The following NDRG1 variants were observed in gnomAD, a reference collection of about 807,000 sequenced individuals.
NDRG1 encodes N-myc downstream regulated 1.
In NDRG1, 32 loss-of-function variants were observed where a neutral mutation model predicts 56.9. That is an observed-to-expected ratio of 0.56 (90% confidence interval 0.42 to 0.76). The LOEUF is 0.76. Ranked by LOEUF, NDRG1 falls within the 30% of genes least tolerant of loss-of-function variation. NDRG1 has a pLI of 0.00. For synonymous variants in NDRG1, 211 were observed against 204.1 expected (o/e 1.03, Z -0.29); for missense variants, 507 against 545.7 (o/e 0.93, Z 0.71).
At chr8:133,261,323 G>T (rs4320532) in intron 5 of NDRG1, among the ~76,000 whole-genome samples, 18,792 of 151,920 alleles carry the variant, frequency 0.12, 1,448 homozygotes, top group East Asian at 0.31. Context: ...CCGGAGACAG[G>T]GTTTCACCAT....
At chr8:133,248,615 C>T in intron 11 of NDRG1, 100 bp downstream of exon 11, 1 of 1,368,386 alleles carries the variant, frequency 7.3e-7, no homozygotes, top group African/African-American at 1.4e-5. Context: ...CTCACTGACA[C>T]AATGTCCTGC....
chr8:133,259,291 G>C, intron 5 of NDRG1, 61 bp from the exon 6 acceptor site: 1 of 1,536,534 alleles, frequency 6.5e-7, no homozygotes, highest in South Asian at 1.1e-5. Context: ...AATCCAAACA[G>C]GGACACGCTT....
At chr8:133,253,609 G>A (rs914916341) in intron 9 of NDRG1, among the ~76,000 whole-genome samples, 4 of 152,218 alleles carry the variant, frequency 2.6e-5, no homozygotes, top group African/African-American at 9.7e-5. Flanking sequence ...CCAGAACTGG[G>A]AACAACTCAA....
chr8:133,239,353 A>T, intron 15 of NDRG1: 1 of 672,862 alleles, frequency 1.5e-6, no homozygotes, highest in Non-Finnish European at 2.5e-6. Flanking sequence ...ACTTGAACCC[A>T]GATCTGGGTC....
Position 133,239,113 on chromosome 8 carries a change from G to A in NDRG1, c.950C>T (p.Ser317Leu), listed in dbSNP as rs904186690. The A allele has an allele frequency of 5.8e-6, 9 of 1,556,064 alleles. No individual in the cohort carries two copies. The highest frequency in any genetic ancestry group is 3.9e-5 in the Admixed American group (2 of 51,160). Residue 317 changes from serine to leucine, a missense_variant, in exon 16 of 16, where the codon TCG (serine) becomes TTG (leucine). Physicochemically the swap from Ser to Leu is moderately radical, Grantham distance 145. Coordinates refer to ENST00000323851, the MANE Select transcript of NDRG1 (RefSeq NM_006096.4). ...CCGCATCAGGCGGGTCATGCTAGCC[G>A]AGGGCACTAGGGGAACAAGAGACAG... ...YFVQGMGYMP[S>L]ASMTRLMRSR...
chr8:133,241,706 A>AT (rs1485527882), intron 15 of NDRG1, among the ~76,000 whole-genome samples: 4 of 152,212 alleles, frequency 2.6e-5, no homozygotes, highest in African/African-American at 9.6e-5. Flanking sequence ...TGTGATCAAA[A>AT]TTTTTAAAAA....
In NDRG1 at chr8:133,246,658, C is replaced by G; in HGVS notation, c.813G>C (p.Glu271Asp). The G allele has an allele frequency of 6.2e-7, 1 of 1,614,190 alleles. No individual in the cohort carries two copies. Among genetic ancestry groups the G allele is most frequent in the South Asian group, 1.1e-5 (1 of 91,086 alleles). The part of the protein sequence containing the change: ...DSSPAVDAVV[E>D]CNSKLDPTKT... The stretch of plus-strand genomic sequence containing the variant: ...TTGTTGGGTCCAATTTTGAGTTGCA[C>G]TCCACCTGCACAAGAGGGAGGAAAT... Residue 271 changes from glutamate (E) to aspartate (D), a missense_variant, in exon 13 of 16, where the codon GAG becomes GAC. Coordinates refer to ENST00000323851, the MANE Select transcript of NDRG1 (RefSeq NM_006096.4).
In NDRG1 at chr8:133,273,951, G is replaced by A. The variant is rs145606381; in HGVS notation, c.99+6281C>T. The stretch of plus-strand genomic sequence containing the variant: ...ACACAATTGCCTAAAACCTGATGCT[G>A]GAGGCCTCTCAGCCGAGCCAGATCA... On this transcript the variant is annotated intron_variant, in intron 3 of 15. Transcript: ENST00000323851. Among the ~76,000 whole-genome samples the A allele has an allele frequency of 9.2e-3, 1,397 of 152,108 alleles. 11 individuals are homozygous for A. Among genetic ancestry groups the A allele is most frequent in the Non-Finnish European group, 0.014 (938 of 68,010 alleles).
chr8:133,250,246 G>A (rs1030069518), intron 10 of NDRG1, among the ~76,000 whole-genome samples, 194 bp downstream of exon 10: 1 of 152,156 alleles, frequency 6.6e-6, no homozygotes, highest in Non-Finnish European at 1.5e-5. Context: ...CCTGCAAGGC[G>A]AGCTGAATGC....
At chr8:133,266,658 A>C (rs1198531837) in intron 3 of NDRG1, among the ~76,000 whole-genome samples, 1 of 152,092 alleles carries the variant, frequency 6.6e-6, no homozygotes, top group Non-Finnish European at 1.5e-5. Flanking sequence ...ATCGGATTCC[A>C]CCTCTGCTAC....
At chr8:133,255,371 A>G (rs1052286471) in intron 8 of NDRG1, 1 of 456,224 alleles carries the variant, frequency 2.2e-6, no homozygotes, top group Non-Finnish European at 4.4e-6. Flanking sequence ...ACATCACAGT[A>G]TCTAATACCA....
intron 2 of NDRG1, among the ~76,000 whole-genome samples, chr8:133,282,389 G>A (rs1261489247): frequency 6.6e-6 from 1 of 152,218 alleles, no homozygotes; most frequent in Non-Finnish European, 1.5e-5. Flanking sequence ...AATACATGTA[G>A]TGGAATACTA....
In NDRG1 at chr8:133,238,612, G is replaced by T; in HGVS notation, c.*266C>A. The T allele has an allele frequency of 1.8e-6, 1 of 553,454 alleles. No homozygotes were observed. The highest frequency in any genetic ancestry group is 2.5e-5 in the South Asian group (1 of 40,490). The allele number at this position is 553,454 out of a possible 1,614,324, so 34.3% of individuals were successfully genotyped here. A position where few individuals can be genotyped will look rare whatever the true frequency, so the allele number is the denominator to read the frequency against. Reference sequence around the variant, plus strand: ...GTTTGGTGTCTCTGAGGGAGGGGAGGAGAGTGGCAACCGGCCACTGGTTAA... The same window carrying T: ...GTTTGGTGTCTCTGAGGGAGGGGAGTAGAGTGGCAACCGGCCACTGGTTAA... On this transcript the variant is annotated 3_prime_UTR_variant, in exon 16 of 16. Coordinates refer to ENST00000323851, the MANE Select transcript of NDRG1 (RefSeq NM_006096.4).
rs376214053 is a variant in NDRG1, at chr8:133,250,348, T to C, written c.698+92A>G. On this transcript the variant is annotated intron_variant, in intron 10 of 15. Transcript: ENST00000323851. ...ACTCAGAGCCTGCCTCTTCCGCTCA[T>C]TTTATACTCTCCCTCTCATCTGTCC... 32 of 1,191,654 alleles carry C rather than the reference T, an allele frequency of 2.7e-5. 1 individual carries two copies. The highest frequency in any genetic ancestry group is 1.6e-4 in the East Asian group (7 of 42,698). 73.8% of individuals were successfully genotyped at this position (1,191,654 alleles called of 1,614,324 possible). A position where few individuals can be genotyped will look rare whatever the true frequency, so the allele number is the denominator to read the frequency against.
At chr8:133,290,285 G>A (rs1586501479) in intron 1 of NDRG1, among the ~76,000 whole-genome samples, 1 of 152,186 alleles carries the variant, frequency 6.6e-6, no homozygotes, top group African/African-American at 2.4e-5. Flanking sequence ...ACCAGGAAGA[G>A]CAGCCACAGG....
At chr8:133,284,056 G>A (rs1026998624) in intron 2 of NDRG1, among the ~76,000 whole-genome samples, 193 bp downstream of exon 2, 1 of 152,240 alleles carries the variant, frequency 6.6e-6, no homozygotes, top group Non-Finnish European at 1.5e-5. Flanking sequence ...AATGTGTTAT[G>A]TGTGTACGCA....
chr8:133,294,756 A>T (rs1312684671), intron 1 of NDRG1, among the ~76,000 whole-genome samples: 1 of 152,146 alleles, frequency 6.6e-6, no homozygotes, highest in Non-Finnish European at 1.5e-5. Context: ...GGCTTTGCTA[A>T]TCTCTCAAGA....
intron 3 of NDRG1, among the ~76,000 whole-genome samples, chr8:133,275,238 T>C (rs1367523909): frequency 1.3e-5 from 2 of 152,198 alleles, no homozygotes; most frequent in African/African-American, 2.4e-5. Flanking sequence ...ATCAATCTCT[T>C]GAGTCCCTAA....
rs1856267945 is a variant in NDRG1, at chr8:133,254,605, A to G, written c.538-10T>C. ...GGGTCCATCCTGAGATCTGGAAAGG[A>G]GTAAAGTGGGTGGATGAGAAACCAG... On this transcript the variant is annotated splice_polypyrimidine_tract_variant and intron_variant, in intron 8 of 15. Coordinates refer to ENST00000323851, the MANE Select transcript of NDRG1 (RefSeq NM_006096.4). 2 of 1,613,782 alleles carry G rather than the reference A, an allele frequency of 1.2e-6. No individual in the cohort carries two copies. The highest frequency in any genetic ancestry group is 1.7e-5 in the Admixed American group (1 of 59,966).
Sources: gnomAD v4.1 joint callset for allele counts (sites outside exome capture counted in the v4.1 genomes callset) on GRCh38, gnomAD v4.1.1 for gene constraint, MANE v1.5 for transcripts, NCBI Gene and HGNC (gene_info 2026-07-23, HGNC 2026-07-21) for gene names.